Variants in WWOX observed in about 807,000 individuals in gnomAD.
WWOX encodes WW domain containing oxidoreductase.
Under a neutral mutation model 46.2 loss-of-function variants are expected in WWOX, and 69 were observed. The ratio of observed to expected loss-of-function variants is 1.49; its 90% confidence interval spans 1.23 to 1.82. The LOEUF is 1.82. WWOX is among the 40% of genes most tolerant of loss of function. The pLI, the probability that WWOX is intolerant of heterozygous loss-of-function variation, is 0.00. For missense variants in WWOX, 919 were observed against 542.6 expected, an observed-to-expected ratio of 1.69 and a Z score of -6.89; for synonymous variants, 359 against 202.6, an observed-to-expected ratio of 1.77 and a Z score of -6.56.
At chr16:78,934,370 G>A (rs564189199) in intron 8 of WWOX, among the ~76,000 whole-genome samples, 9 of 131,628 alleles carry the variant, frequency 6.8e-5, no homozygotes, top group African/African-American at 2.6e-4. Flanking sequence ...TTAGCCAGGT[G>A]TGGTGGTGCA....
At chr16:79,180,754 T>TATCC (rs747293532) in intron 8 of WWOX, among the ~76,000 whole-genome samples, 34 of 152,282 alleles carry the variant, frequency 2.2e-4, no homozygotes, top group Non-Finnish European at 4.3e-4. Flanking sequence ...TCTATTCATC[T>TATCC]ATCCATCCAT....
intron 5 of WWOX, among the ~76,000 whole-genome samples, chr16:78,284,092 C>T (rs982019409): frequency 1.3e-5 from 2 of 152,090 alleles, no homozygotes; most frequent in South Asian, 2.1e-4. Flanking sequence ...ACAACCATTG[C>T]GTGTAGGAGG....
At chr16:78,869,787 C>T (rs16948659) in intron 8 of WWOX, among the ~76,000 whole-genome samples, 14,039 of 152,220 alleles carry the variant, frequency 0.092, 810 homozygotes, top group African/African-American at 0.14. Flanking sequence ...CTTAGCAGAG[C>T]CAAAAGCCAG....
chr16:78,164,328 A>G lies in WWOX; in HGVS notation c.516+39A>G, dbSNP rs2151735662. On this transcript the variant is annotated intron_variant, in intron 5 of 8. Transcript: ENST00000566780. ...TGTTGTTGTTTTTTTTAATTGTCAA[A>G]TACACATGCCGGGCTAACCATATGG... 4 of 1,574,506 alleles carry G rather than the reference A, an allele frequency of 2.5e-6. No individual in the cohort carries two copies. In the Admixed American group the frequency reaches 5.1e-5, roughly 20 times the overall value.
intron 4 of WWOX, among the ~76,000 whole-genome samples, chr16:78,143,410 G>C (rs1241901726): frequency 1.3e-5 from 2 of 152,010 alleles, no homozygotes; most frequent in African/African-American, 2.4e-5. Context: ...TTGTCTATTC[G>C]AAGGGTCAGA....
At chr16:78,344,590 A>C (rs2081064961) in intron 5 of WWOX, among the ~76,000 whole-genome samples, 1 of 121,426 alleles carries the variant, frequency 8.2e-6, no homozygotes, top group East Asian at 1.9e-4. Flanking sequence ...GAGCTTGGCT[A>C]TTATTCCCCT....
At chr16:79,144,224 C>T (rs1189375963) in intron 8 of WWOX, among the ~76,000 whole-genome samples, 5 of 152,200 alleles carry the variant, frequency 3.3e-5, no homozygotes, top group Admixed American at 6.5e-5. Flanking sequence ...CACTTCAGCA[C>T]ACCAGGATTT....
Position 79,090,331 on chromosome 16 carries a change from T to A in WWOX, c.1057-121277T>A, listed in dbSNP as rs146383854. Among the ~76,000 whole-genome samples the A allele has an allele frequency of 6.1e-4, 92 of 149,740 alleles. No individual in the cohort carries two copies. The East Asian group carries it at 0.014, about 23-fold the overall frequency. Reference sequence around the variant, plus strand: ...TGTGTGTGTGTGTGATATAATGTGTTGCATTGGTGTCTAAAGCCATGCTCA... The same window carrying A: ...TGTGTGTGTGTGTGATATAATGTGTAGCATTGGTGTCTAAAGCCATGCTCA... On this transcript the variant is annotated intron_variant, in intron 8 of 8. Coordinates refer to ENST00000566780, the MANE Select transcript of WWOX (RefSeq NM_016373.4).
At chr16:78,765,928 G>C (rs555620803) in intron 8 of WWOX, among the ~76,000 whole-genome samples, 7 of 152,318 alleles carry the variant, frequency 4.6e-5, no homozygotes, top group African/African-American at 1.4e-4. Flanking sequence ...GGTGTGAGGA[G>C]TGAGGGGTGA....
At chr16:79,129,326 G>T (rs1179332705) in intron 8 of WWOX, among the ~76,000 whole-genome samples, 1 of 149,660 alleles carries the variant, frequency 6.7e-6, no homozygotes, top group Non-Finnish European at 1.5e-5. Context: ...TTCCTGATAT[G>T]TTCGTTATGC....
At chr16:78,879,228 G>A (rs532511353) in intron 8 of WWOX, among the ~76,000 whole-genome samples, 15 of 152,274 alleles carry the variant, frequency 9.9e-5, no homozygotes, top group African/African-American at 3.1e-4. Flanking sequence ...AAAAGAGCTG[G>A]TTGGGCATGC....
intron 8 of WWOX, among the ~76,000 whole-genome samples, chr16:78,880,210 G>T (rs1403213246): frequency 6.6e-6 from 1 of 152,178 alleles, no homozygotes; most frequent in Non-Finnish European, 1.5e-5. Flanking sequence ...TATCTTTGCT[G>T]TATTTGCAGT....
At chr16:78,355,428 G>A (rs948283986) in intron 5 of WWOX, 4 of 290,012 alleles carry the variant, frequency 1.4e-5, no homozygotes, top group South Asian at 7.1e-5. Flanking sequence ...CGGTGAAACC[G>A]TGTCTCTACT....
intron 8 of WWOX, among the ~76,000 whole-genome samples, chr16:79,114,034 G>T (rs1483896381): frequency 1.3e-5 from 2 of 152,190 alleles, no homozygotes; most frequent in Non-Finnish European, 2.9e-5. Context: ...ACAGCCCCAG[G>T]TGCTGGCCTA....
intron 8 of WWOX, among the ~76,000 whole-genome samples, chr16:78,627,058 C>A (rs993268861): frequency 2.0e-5 from 3 of 152,112 alleles, no homozygotes; most frequent in African/African-American, 4.8e-5. Context: ...CTCATACATA[C>A]ACAAAGGGCA....
intron 8 of WWOX, among the ~76,000 whole-genome samples, chr16:78,629,706 T>G (rs1457803585): frequency 6.6e-6 from 1 of 152,210 alleles, no homozygotes; most frequent in Non-Finnish European, 1.5e-5. Flanking sequence ...CATCCTGCTT[T>G]AGCTAATCAA....
chr16:79,096,101 C>T (rs1170847353), intron 8 of WWOX, among the ~76,000 whole-genome samples: 1 of 145,752 alleles, frequency 6.9e-6, no homozygotes, highest in African/African-American at 2.6e-5. Context: ...CTCCTGACCT[C>T]AACTGATCCG....
At chr16:78,235,335 C>T (rs1240421394) in intron 5 of WWOX, among the ~76,000 whole-genome samples, 1 of 152,110 alleles carries the variant, frequency 6.6e-6, no homozygotes, top group African/African-American at 2.4e-5. Context: ...TTGGTCCTTG[C>T]TGTTGTCTGG....
intron 8 of WWOX, among the ~76,000 whole-genome samples, chr16:78,476,853 T>A (rs1164226359): frequency 6.6e-6 from 1 of 152,048 alleles, no homozygotes; most frequent in Non-Finnish European, 1.5e-5. Flanking sequence ...TCGTTTTTCT[T>A]TTTCCTTCCC....
Sources: allele counts gnomAD v4.1 joint callset (sites outside exome capture counted in the v4.1 genomes callset), GRCh38; gene constraint gnomAD v4.1.1; transcripts MANE v1.5; gene names NCBI Gene and HGNC (gene_info 2026-07-23, HGNC 2026-07-21).